The following TXNDC8 variants were observed in gnomAD, a reference collection of about 807,000 sequenced individuals.
The protein encoded by TXNDC8 is thioredoxin domain-containing protein 8.
TXNDC8 carries 15 observed loss-of-function variants against 12.9 expected under a neutral mutation model. The ratio of observed to expected loss-of-function variants is 1.16; its 90% CI spans 0.78 to 1.79. The LOEUF (loss-of-function observed/expected upper bound fraction) is 1.79. Ranked by LOEUF, TXNDC8 falls within the 40% of genes most tolerant of loss-of-function variation. TXNDC8 has a pLI of 0.00. For synonymous variants in TXNDC8, 40 were observed against 35.4 expected, an observed-to-expected ratio of 1.13 and a Z score of -0.46; for missense variants, 128 against 113.2, an observed-to-expected ratio of 1.13 and a Z score of -0.59.
At chr9:110,331,453 G>A (rs751612976) in intron 2 of TXNDC8, among the ~76,000 whole-genome samples, 7 of 151,928 alleles carry the variant, frequency 4.6e-5, no homozygotes, top group East Asian at 1.9e-4. Context: ...AGAGTGGTTC[G>A]TGGAGTTTCT....
At chr9:110,326,475 A>G (rs1371032986) in intron 2 of TXNDC8, among the ~76,000 whole-genome samples, 2 of 152,240 alleles carry the variant, frequency 1.3e-5, no homozygotes, top group East Asian at 3.8e-4. Context: ...TTCATCCCAT[A>G]GAACCAGGAG....
intron 3 of TXNDC8, among the ~76,000 whole-genome samples, chr9:110,319,555 C>T (rs2118794687): frequency 6.6e-6 from 1 of 152,296 alleles, no homozygotes; most frequent in South Asian, 2.1e-4. Context: ...TACATTGCCA[C>T]TAATAAGAGG....
rs537984080 is a variant in TXNDC8 at position 110,314,082 on chromosome 9, C to T, written c.196-9550G>A. 2.4e-4 allele frequency among the ~76,000 whole-genome samples: 36 copies of T among 152,280 alleles called. No individual in the cohort carries two copies. In the East Asian group the frequency reaches 5.8e-3, roughly 25 times the overall value. On this transcript the variant is annotated intron_variant, in intron 3 of 4. Transcript: ENST00000423740. ...GAACTGCTTAGGGCCAAACTGCCTCCCATTCTATTCAAACTCACCCCTCTG... is the reference window on the plus strand; with the variant it reads ...GAACTGCTTAGGGCCAAACTGCCTCTCATTCTATTCAAACTCACCCCTCTG...
At chr9:110,316,488 A>C (rs1024130162) in intron 3 of TXNDC8, among the ~76,000 whole-genome samples, 7 of 152,170 alleles carry the variant, frequency 4.6e-5, no homozygotes, top group Non-Finnish European at 1.0e-4. Context: ...TGACTTTCAC[A>C]AGACTCAAGA....
At chr9:110,333,488 T>C (rs1839622070) in intron 2 of TXNDC8, among the ~76,000 whole-genome samples, 1 of 152,202 alleles carries the variant, frequency 6.6e-6, no homozygotes, top group Admixed American at 6.5e-5. Flanking sequence ...TGGGGACCAC[T>C]GTGATATACA....
chr9:110,337,688 G>T, intron 1 of TXNDC8, 85 bp downstream of exon 1: 1 of 1,274,484 alleles, frequency 7.8e-7, no homozygotes, highest in Non-Finnish European at 1.1e-6. Flanking sequence ...ATACTGGATA[G>T]AGAGAACACA....
At chr9:110,333,242 C>A (rs1437849592) in intron 2 of TXNDC8, among the ~76,000 whole-genome samples, 2 of 152,138 alleles carry the variant, frequency 1.3e-5, no homozygotes, top group African/African-American at 4.8e-5. Context: ...GCTGTCATTA[C>A]TGCCTGAGCT....
At chr9:110,331,473 C>G (rs1171510564) in intron 2 of TXNDC8, among the ~76,000 whole-genome samples, 1 of 152,032 alleles carries the variant, frequency 6.6e-6, no homozygotes, top group Non-Finnish European at 1.5e-5. Context: ...TGTCCCAAGC[C>G]CATTCACCCA....
At chr9:110,329,467 T>A (rs1478680237) in intron 2 of TXNDC8, among the ~76,000 whole-genome samples, 176 bp from the exon 3 acceptor site, 1 of 152,174 alleles carries the variant, frequency 6.6e-6, no homozygotes, top group Non-Finnish European at 1.5e-5. Context: ...AAATACCAGA[T>A]GATGCCAAGG....
chr9:110,301,505 G>A (rs538011569), downstream of TXNDC8, among the ~76,000 whole-genome samples: 1 of 152,192 alleles, frequency 6.6e-6, no homozygotes, highest in South Asian at 2.1e-4. Context: ...CTTTTCTGGG[G>A]TGCCCACCAT....
Position 110,335,780 on chromosome 9 carries a change from G to A in TXNDC8, c.25-1460C>T, listed in dbSNP as rs550318010. ...TGCATTGTGTGCTTATTCCTGGACCGAACATTAAGAGGAGGGGGATGGGAT... is the reference window on the plus strand; with the variant it reads ...TGCATTGTGTGCTTATTCCTGGACCAAACATTAAGAGGAGGGGGATGGGAT... On this transcript the variant is annotated intron_variant, in intron 1 of 4. Coordinates refer to ENST00000423740, the MANE Select transcript of TXNDC8 (RefSeq NM_001286946.2). Among the ~76,000 whole-genome samples, 6 of 152,202 alleles carry A rather than the reference G, an allele frequency of 3.9e-5. No homozygotes were observed. In the East Asian group the frequency reaches 5.8e-4, roughly 15 times the overall value.
intron 3 of TXNDC8, chr9:110,323,877 C>T (rs1206238854): frequency 3.9e-6 from 6 of 1,550,162 alleles, no homozygotes; most frequent in Non-Finnish European, 5.2e-6. Flanking sequence ...AGGTTATTTA[C>T]CTAGCTGCTT....
intron 3 of TXNDC8, among the ~76,000 whole-genome samples, chr9:110,310,624 A>G (rs1193042386): frequency 6.6e-6 from 1 of 152,244 alleles, no homozygotes; most frequent in Non-Finnish European, 1.5e-5. Flanking sequence ...CAAATACTTT[A>G]TCAGGAAAAA....
Position 110,334,199 on chromosome 9 carries a change from A to G in TXNDC8, c.129+17T>C. ...AATTTCTTCTGAAACTATGAGATAT[A>G]TACTGGTTGTACTCACATGGAAAAC... On this transcript the variant is annotated intron_variant, in intron 2 of 4. Coordinates refer to ENST00000423740, the MANE Select transcript of TXNDC8 (RefSeq NM_001286946.2). 5 of 1,584,444 alleles carry G rather than the reference A, an allele frequency of 3.2e-6. No homozygotes were observed. The highest frequency in any genetic ancestry group is 4.3e-6 in the Non-Finnish European group (5 of 1,155,572).
At chr9:110,319,425 T>C (rs1420482379) in intron 3 of TXNDC8, among the ~76,000 whole-genome samples, 1 of 152,238 alleles carries the variant, frequency 6.6e-6, no homozygotes, top group Non-Finnish European at 1.5e-5. Flanking sequence ...CTTCTAGTAT[T>C]TACCAAGTCC....
intron 3 of TXNDC8, among the ~76,000 whole-genome samples, chr9:110,319,324 TA>T (rs1246787819): frequency 6.6e-6 from 1 of 152,258 alleles, no homozygotes; most frequent in African/African-American, 2.4e-5. Context: ...GAGGTCTTCA[TA>T]AACTTTATTT....
chr9:110,304,458 T>C lies in TXNDC8; in HGVS notation c.261+9A>G, dbSNP rs1266163324. The C allele has an allele frequency of 6.2e-7, 1 of 1,608,654 alleles. No homozygotes were observed. The highest frequency in any genetic ancestry group is 1.1e-5 in the South Asian group (1 of 90,318). ...ATTTCTAACTCTAACTTGATCCCAT[T>C]TCACTTACCAGGTTGCTCATGAATC... On this transcript the variant is annotated intron_variant, in intron 4 of 4. Coordinates refer to ENST00000423740, the MANE Select transcript of TXNDC8 (RefSeq NM_001286946.2).
At chr9:110,327,476 TC>T in intron 2 of TXNDC8, among the ~76,000 whole-genome samples, 1 of 152,060 alleles carries the variant, frequency 6.6e-6, no homozygotes, top group Non-Finnish European at 1.5e-5. Context: ...GTGTGCATCA[TC>T]ACGCCTGGCC....
At chr9:110,331,502 G>A (rs184299293) in intron 2 of TXNDC8, among the ~76,000 whole-genome samples, 1 of 152,278 alleles carries the variant, frequency 6.6e-6, no homozygotes, top group East Asian at 1.9e-4. Flanking sequence ...ATGATTTTAT[G>A]AGCATTTAAT....
Sources: gnomAD v4.1 joint callset for allele counts (sites outside exome capture counted in the v4.1 genomes callset) on GRCh38, gnomAD v4.1.1 for gene constraint, MANE v1.5 for transcripts, NCBI Gene and HGNC (gene_info 2026-07-23, HGNC 2026-07-21) for gene names.